The following AKAP6 variants were observed in gnomAD, a reference collection of about 807,000 sequenced individuals.
The protein encoded by AKAP6 is A-kinase anchoring protein 6.
A neutral mutation model predicts 188.5 loss-of-function variants in AKAP6; 58 were observed. The observed-to-expected ratio is 0.31, with a 90% confidence interval of 0.25 to 0.38. The LOEUF (loss-of-function observed/expected upper bound fraction) is 0.38, where lower values mean the gene tolerates loss of function less well. Among genes scored for constraint, AKAP6 ranks in the 10% least tolerant of loss-of-function variants. AKAP6 has a pLI of 1.00. For missense variants in AKAP6, 2,710 were observed against 2,740.0 expected, an observed-to-expected ratio of 0.99 and a Z score of 0.24; for synonymous variants, 989 against 998.6, an observed-to-expected ratio of 0.99 and a Z score of 0.18.
chr14:32,355,889 C>T (rs2138467459), intron 1 of AKAP6, among the ~76,000 whole-genome samples: 1 of 152,152 alleles, frequency 6.6e-6, no homozygotes, highest in South Asian at 2.1e-4. Flanking sequence ...ATCCTCCCAC[C>T]TCAACCTCCC....
intron 1 of AKAP6, among the ~76,000 whole-genome samples, chr14:32,399,492 G>A (rs1889008773): frequency 6.6e-6 from 1 of 152,046 alleles, no homozygotes; most frequent in African/African-American, 2.4e-5. Context: ...GAAAGAATGG[G>A]GATAAATCTT....
intron 7 of AKAP6, among the ~76,000 whole-genome samples, chr14:32,620,025 T>G (rs1158148752): frequency 6.6e-6 from 1 of 152,172 alleles, no homozygotes; most frequent in African/African-American, 2.4e-5. Context: ...TTGGATGCAT[T>G]GATTTTGTAA....
At chr14:32,422,765 A>ACTTGGGAAATGCCAAGGGTTTC (rs145278476) in intron 1 of AKAP6, among the ~76,000 whole-genome samples, 9,459 of 151,990 alleles carry the variant, frequency 0.062, 374 homozygotes, top group African/African-American at 0.089. Flanking sequence ...TATTCCTAAC[A>ACTTGGGAAATGCCAAGGGTTTC]CTTGGGAAAT....
At chr14:32,556,931 T>A (rs917160663) in intron 4 of AKAP6, among the ~76,000 whole-genome samples, 7 of 152,022 alleles carry the variant, frequency 4.6e-5, no homozygotes, top group Non-Finnish European at 8.8e-5. Flanking sequence ...CTTTTTTTTT[T>A]AAATTTCAAT....
chr14:32,630,349 T>C (rs1417852053), intron 7 of AKAP6, among the ~76,000 whole-genome samples: 3 of 152,046 alleles, frequency 2.0e-5, no homozygotes, highest in Non-Finnish European at 4.4e-5. Flanking sequence ...TTTTCAACTA[T>C]AATAACAGTA....
intron 12 of AKAP6, among the ~76,000 whole-genome samples, chr14:32,800,960 T>C (rs996324599): frequency 6.6e-6 from 1 of 152,166 alleles, no homozygotes; most frequent in East Asian, 1.9e-4. Flanking sequence ...CAGGCTGCAG[T>C]GAGCCATGAT....
intron 12 of AKAP6, among the ~76,000 whole-genome samples, chr14:32,780,685 C>T (rs1322280589): frequency 6.6e-6 from 1 of 152,098 alleles, no homozygotes; most frequent in African/African-American, 2.4e-5. Flanking sequence ...GCCTGTAAGC[C>T]CAGCACTTTG....
chr14:32,509,120 C>CTTTTTT (rs368423502), intron 2 of AKAP6, among the ~76,000 whole-genome samples: 1,680 of 94,570 alleles, frequency 0.018, 140 homozygotes, highest in African/African-American at 0.025. Context: ...TGCCCTGCCT[C>CTTTTTT]TTTTTTTTTT....
At chr14:32,552,034 TAGAATG>T (rs1345886179) in intron 4 of AKAP6, among the ~76,000 whole-genome samples, 2 of 152,192 alleles carry the variant, frequency 1.3e-5, no homozygotes, top group African/African-American at 4.8e-5. Context: ...CTCCCTCTGT[TAGAATG>T]GGAACTCTGT....
In AKAP6 at chr14:32,402,729, ATT is replaced by A. The variant is rs56811727; in HGVS notation, c.-34-30718_-34-30717del. ...TCAATAAATGTTGGTTGGTTGGTTG[ATT>A]TTTTTTTTTTTTCTTTGAGACAGAG... On this transcript the variant is annotated intron_variant, in intron 1 of 13. Transcript: ENST00000280979. Among the ~76,000 whole-genome samples the A allele has an allele frequency of 1.0e-4, 15 of 144,704 alleles. No homozygotes were observed. The South Asian group carries it at 1.3e-3, about 13-fold the overall frequency. 94.9% of individuals were successfully genotyped at this position (144,704 alleles called of 152,430 possible).
intron 1 of AKAP6, among the ~76,000 whole-genome samples, chr14:32,428,761 G>T (rs1890120107): frequency 6.6e-6 from 1 of 152,136 alleles, no homozygotes; most frequent in South Asian, 2.1e-4. Flanking sequence ...CTAGCGTCAA[G>T]CTCCAACCCA....
chr14:32,475,678 CTTTTT>C (rs11156748), intron 2 of AKAP6, among the ~76,000 whole-genome samples: 2 of 123,650 alleles, frequency 1.6e-5, no homozygotes, highest in Non-Finnish European at 1.6e-5. Context: ...ATTTTCAGCT[CTTTTT>C]TTTTTTTTTT....
At chr14:32,746,127 T>C (rs2139885004) in intron 11 of AKAP6, among the ~76,000 whole-genome samples, 1 of 152,220 alleles carries the variant, frequency 6.6e-6, no homozygotes, top group East Asian at 1.9e-4. Flanking sequence ...GTCCTGGAAT[T>C]GGGGACCCCA....
At chr14:32,678,190 C>G (rs994696748) in intron 7 of AKAP6, 121 bp from the exon 8 acceptor site, 1 of 1,019,182 alleles carries the variant, frequency 9.8e-7, no homozygotes, top group African/African-American at 1.6e-5. Flanking sequence ...CCCATTAAAT[C>G]CAACTCGAAA....
At chr14:32,765,708 TAAA>T (rs35137560) in intron 11 of AKAP6, among the ~76,000 whole-genome samples, 1 of 142,752 alleles carries the variant, frequency 7.0e-6, no homozygotes, top group Non-Finnish European at 1.5e-5. Context: ...AGCCATAACT[TAAA>T]AAAAAAAAAA....
Position 32,499,800 on chromosome 14 carries a change from C to T in AKAP6, c.325-35754C>T, listed in dbSNP as rs565118486. Among the ~76,000 whole-genome samples, 83 of 151,474 alleles carry T rather than the reference C, an allele frequency of 5.5e-4. 2 individuals carry two copies. The South Asian group carries it at 0.011, about 20-fold the overall frequency. ...AATCATTAATCACTTAAAAAGAGAG[C>T]GAGATTAGACACAGTATTAGTTTGT... On this transcript the variant is annotated intron_variant, in intron 2 of 13. Transcript: ENST00000280979.
chr14:32,787,689 A>G (rs2033464668), intron 12 of AKAP6, among the ~76,000 whole-genome samples: 1 of 152,176 alleles, frequency 6.6e-6, no homozygotes, highest in Middle Eastern at 3.2e-3. Context: ...TACTTACAAG[A>G]GAGATCGCTG....
At position 32,364,660 on chromosome 14, in the gene AKAP6, C is replaced by T. The variant is rs566656727; in HGVS notation, c.-35+35252C>T. Among the ~76,000 whole-genome samples the T allele has an allele frequency of 6.6e-5, 10 of 152,112 alleles. No homozygotes were observed. In the South Asian group the frequency reaches 1.2e-3, roughly 19 times the overall value. On this transcript the variant is annotated intron_variant, in intron 1 of 13. Coordinates refer to ENST00000280979, the MANE Select transcript of AKAP6 (RefSeq NM_004274.5). ...CCTATCTCGGCGCTGTCCCCTGCCCCGACTGAAGTGTAGATATTTCAAGGA... is the reference window on the plus strand; with the variant it reads ...CCTATCTCGGCGCTGTCCCCTGCCCTGACTGAAGTGTAGATATTTCAAGGA...
intron 3 of AKAP6, among the ~76,000 whole-genome samples, chr14:32,538,165 T>C (rs1342780256): frequency 1.3e-5 from 2 of 152,240 alleles, no homozygotes; most frequent in African/African-American, 4.8e-5. Flanking sequence ...TCTGTGTGTC[T>C]AGTGTGACTC....
Sources: gnomAD v4.1 joint callset for allele counts (sites outside exome capture counted in the v4.1 genomes callset) on GRCh38, gnomAD v4.1.1 for gene constraint, MANE v1.5 for transcripts, NCBI Gene and HGNC (gene_info 2026-07-23, HGNC 2026-07-21) for gene names.